The following LOXHD1 variants were observed in gnomAD, a reference collection of about 807,000 sequenced individuals.
The protein encoded by LOXHD1 is lipoxygenase homology PLAT domains 1.
Under a neutral mutation model 248.2 loss-of-function variants are expected in LOXHD1, and 205 were observed. The observed-to-expected ratio is 0.83, with a 90% confidence interval of 0.74 to 0.93. LOXHD1 has a LOEUF of 0.93. Ranked by LOEUF, LOXHD1 falls within the 40% of genes least tolerant of loss-of-function variation. The pLI, the probability that LOXHD1 is intolerant of heterozygous loss-of-function variation, is 0.00. For synonymous variants in LOXHD1, 1,113 were observed against 1,162.8 expected, an observed-to-expected ratio of 0.96 and a Z score of 0.87; for missense variants, 2,930 against 2,971.6, an observed-to-expected ratio of 0.99 and a Z score of 0.33.
In LOXHD1 at chr18:46,648,267, C is replaced by CAAAACA. The variant is rs750503462; in HGVS notation, c.245+882_245+887dup. Among the ~76,000 whole-genome samples, 21 of 151,926 alleles carry CAAAACA rather than the reference C, an allele frequency of 1.4e-4. 1 individual carries two copies. Among genetic ancestry groups the CAAAACA allele is most frequent in the Non-Finnish European group, 2.6e-4 (18 of 67,932 alleles). ...AGCGAGACTCCATCTCAAAACAAAACAAAACAAAAACAAAAACAAAAAACA... is the reference window on the plus strand; with the variant it reads ...AGCGAGACTCCATCTCAAAACAAAACAAAACAAAAACAAAAACAAAAACAAAAAACA... On this transcript the variant is annotated intron_variant, in intron 2 of 40. Transcript: ENST00000642948.
rs1458489546 is a variant in LOXHD1 at position 46,541,853 on chromosome 18, A to G, written c.3836T>C (p.Leu1279Pro). Reference sequence around the variant, plus strand: ...GGACCCGTCGTCTTCGTTTTTGGCCAGCCAGCGGCCACAGGGAAACGTCAT... The same window carrying G: ...GGACCCGTCGTCTTCGTTTTTGGCCGGCCAGCGGCCACAGGGAAACGTCAT... ...KCMTFPCGRW[L>P]AKNEDDGSII... The change falls in exon 25 of 41, where the codon CTG becomes CCG. Residue 1279 changes from leucine to proline, a missense_variant. Coordinates refer to ENST00000642948, the MANE Select transcript of LOXHD1 (RefSeq NM_001384474.1). 1.9e-6 allele frequency: 3 copies of G among 1,551,630 alleles called. No homozygotes were observed. Among genetic ancestry groups the G allele is most frequent in the Non-Finnish European group, 2.6e-6 (3 of 1,147,016 alleles).
chr18:46,536,182 C>T (rs78734094), intron 26 of LOXHD1, among the ~76,000 whole-genome samples: 4,889 of 152,272 alleles, frequency 0.032, 135 homozygotes, highest in South Asian at 0.13. Context: ...AGTTGATACA[C>T]ATCAGGTCCT....
intron 35 of LOXHD1, among the ~76,000 whole-genome samples, chr18:46,509,077 C>A (rs114611739): frequency 1.3e-5 from 2 of 152,106 alleles, no homozygotes; most frequent in African/African-American, 4.8e-5. Flanking sequence ...TGCATATGTG[C>A]CCATGCATAT....
At chr18:46,573,703 A>T (rs1327235307) in intron 14 of LOXHD1, among the ~76,000 whole-genome samples, 1 of 152,118 alleles carries the variant, frequency 6.6e-6, no homozygotes, top group African/African-American at 2.4e-5. Context: ...GACGGAGGCA[A>T]TGCTGTGGTC....
chr18:46,607,136 T>A (rs2038426925), intron 6 of LOXHD1, among the ~76,000 whole-genome samples: 1 of 151,170 alleles, frequency 6.6e-6, no homozygotes, highest in African/African-American at 2.4e-5. Flanking sequence ...GCCACTGCAC[T>A]CCAGCCTCAG....
chr18:46,556,942 C>T, intron 21 of LOXHD1, among the ~76,000 whole-genome samples: 1 of 149,594 alleles, frequency 6.7e-6, no homozygotes. Context: ...CACCCTCAGC[C>T]TCAGACATCA....
intron 2 of LOXHD1, among the ~76,000 whole-genome samples, chr18:46,645,706 CA>C (rs1350523571): frequency 6.6e-6 from 1 of 151,576 alleles, no homozygotes; most frequent in African/African-American, 2.4e-5. Flanking sequence ...CACCAGACCA[CA>C]AAGGCAAAGA....
In LOXHD1 at chr18:46,538,261, G is replaced by T; in HGVS notation, c.3990C>A (p.Ile1330=). The T allele has an allele frequency of 6.4e-7, 1 of 1,551,530 alleles. No homozygotes were observed. The highest frequency in any genetic ancestry group is 1.2e-5 in the South Asian group (1 of 84,052). ...GGGTGCACACGGCATCGCAGCCATA[G>T]ATGATGATGAAGATGTTGGCATCTG... is the stretch of plus-strand genomic sequence containing the variant. ...AGTDANIFII[I]YGCDAVCTQQ... The change falls in exon 26 of 41, where the codon ATC becomes ATA. Residue 1330 remains isoleucine, a synonymous_variant. Coordinates refer to ENST00000642948, the MANE Select transcript of LOXHD1 (RefSeq NM_001384474.1).
chr18:46,579,881 T>C, intron 12 of LOXHD1, 97 bp from the exon 13 acceptor site: 1 of 1,403,320 alleles, frequency 7.1e-7, no homozygotes, highest in South Asian at 1.4e-5. Flanking sequence ...CCTCCTCTCC[T>C]TCTAGTTCTC....
At chr18:46,500,792 G>C (rs191565549) in intron 37 of LOXHD1, among the ~76,000 whole-genome samples, 2 of 151,998 alleles carry the variant, frequency 1.3e-5, no homozygotes, top group Admixed American at 6.6e-5. Context: ...ATTTTTTCCT[G>C]TTTTAGGGCT....
intron 29 of LOXHD1, among the ~76,000 whole-genome samples, chr18:46,526,399 G>A (rs961332733): frequency 2.6e-5 from 4 of 152,234 alleles, no homozygotes; most frequent in African/African-American, 4.8e-5. Context: ...AGCCATGCAC[G>A]CCAAGGGCAA....
intron 34 of LOXHD1, among the ~76,000 whole-genome samples, chr18:46,513,734 G>T (rs567311994): frequency 6.6e-6 from 1 of 152,346 alleles, no homozygotes; most frequent in South Asian, 2.1e-4. Flanking sequence ...CCGGAAAAAT[G>T]AGAGAAGAAA....
At chr18:46,525,476 G>A (rs1012872355) in intron 29 of LOXHD1, among the ~76,000 whole-genome samples, 1 of 152,142 alleles carries the variant, frequency 6.6e-6, no homozygotes, top group African/African-American at 2.4e-5. Context: ...GGGAGGAAAG[G>A]CTGTGGAGGG....
Position 46,483,649 on chromosome 18 carries a change from G to A in LOXHD1, c.6279C>T (p.Pro2093=), listed in dbSNP as rs1173660601. The change falls in exon 40 of 41, where the codon CCC becomes CCT. Residue 2093 remains proline, a synonymous_variant. Transcript: ENST00000642948. ...TGACATGCCAGGCAAGTTCTCTCTT[G>A]GGGATAAACCGGTCTTCCCTGGCAA... is the stretch of plus-strand genomic sequence containing the variant. The part of the protein sequence containing the change: ...GHLAREDRFI[P]KRELAWHVKT... The A allele has an allele frequency of 9.7e-6, 15 of 1,551,518 alleles. No homozygotes were observed. Among genetic ancestry groups the A allele is most frequent in the Non-Finnish European group, 1.2e-5 (14 of 1,146,990 alleles).
chr18:46,590,813 T>A (rs2038152688), intron 12 of LOXHD1, among the ~76,000 whole-genome samples: 1 of 152,176 alleles, frequency 6.6e-6, no homozygotes, highest in Non-Finnish European at 1.5e-5. Context: ...AAGAACGTCC[T>A]CAGCTCCTTA....
chr18:46,605,102 A>C (rs963806133), intron 6 of LOXHD1, among the ~76,000 whole-genome samples: 1 of 152,248 alleles, frequency 6.6e-6, no homozygotes, highest in African/African-American at 2.4e-5. Flanking sequence ...AATATTGAAG[A>C]CTATACTGTA....
At chr18:46,616,249 T>C (rs192680381) in intron 5 of LOXHD1, among the ~76,000 whole-genome samples, 2 of 152,332 alleles carry the variant, frequency 1.3e-5, no homozygotes, top group Non-Finnish European at 2.9e-5. Flanking sequence ...TGATTCTTTA[T>C]TCCCTTTTAT....
intron 14 of LOXHD1, among the ~76,000 whole-genome samples, chr18:46,577,063 G>A (rs1177917739): frequency 1.3e-5 from 2 of 152,162 alleles, no homozygotes; most frequent in Admixed American, 6.5e-5. Context: ...TTGCAGAGCC[G>A]GGTCAGTCCA....
chr18:46,644,136 C>T (rs927600238), intron 2 of LOXHD1, among the ~76,000 whole-genome samples: 4 of 152,200 alleles, frequency 2.6e-5, no homozygotes, highest in African/African-American at 9.7e-5. Context: ...GCAACTCCCC[C>T]ATCCCCAGCC....
Sources: gnomAD v4.1 joint callset for allele counts (sites outside exome capture counted in the v4.1 genomes callset) on GRCh38, gnomAD v4.1.1 for gene constraint, MANE v1.5 for transcripts, NCBI Gene and HGNC (gene_info 2026-07-23, HGNC 2026-07-21) for gene names.